CCDC191: variants seen among roughly 807,000 people sequenced by gnomAD.
CCDC191 encodes coiled-coil domain containing 191.
Under a neutral mutation model 114.0 loss-of-function variants are expected in CCDC191, and 99 were observed. That is an observed-to-expected ratio of 0.87 (90% CI 0.74 to 1.03). The LOEUF is 1.03. CCDC191 is among the 50% of genes least tolerant of loss of function. The pLI, the probability that CCDC191 is intolerant of heterozygous loss-of-function variation, is 0.00. For synonymous variants in CCDC191, 351 were observed against 376.0 expected, an observed-to-expected ratio of 0.93 and a Z score of 0.77; for missense variants, 973 against 1,087.0, an observed-to-expected ratio of 0.90 and a Z score of 1.47.
intron 13 of CCDC191, among the ~76,000 whole-genome samples, chr3:113,998,886 A>C (rs2075793084): frequency 1.3e-5 from 2 of 152,152 alleles, no homozygotes; most frequent in Admixed American, 1.3e-4. Flanking sequence ...CTTCTGACCA[A>C]AGAACTCACT....
intron 13 of CCDC191, among the ~76,000 whole-genome samples, chr3:113,987,830 TCA>T (rs972294337): frequency 7.2e-4 from 110 of 151,848 alleles, no homozygotes; most frequent in African/African-American, 2.5e-3. Context: ...GATCACGAGG[TCA>T]GGAATTTGAG....
At chr3:114,033,217 C>T (rs145362597) in intron 6 of CCDC191, among the ~76,000 whole-genome samples, 15 of 152,060 alleles carry the variant, frequency 9.9e-5, no homozygotes, top group African/African-American at 3.6e-4. Context: ...CCTGCCTCAG[C>T]CTCCCGAGTA....
chr3:114,004,532 C>G (rs1296909567), intron 11 of CCDC191, 105 bp downstream of exon 11: 17 of 1,498,466 alleles, frequency 1.1e-5, no homozygotes, highest in Non-Finnish European at 1.4e-5. Flanking sequence ...CAGGTTCTGC[C>G]AAGTCTCAAA....
intron 6 of CCDC191, among the ~76,000 whole-genome samples, chr3:114,034,094 A>C (rs750185226): frequency 6.6e-6 from 1 of 152,248 alleles, no homozygotes; most frequent in Non-Finnish European, 1.5e-5. Context: ...TAATAGTACT[A>C]CATCCTGTGA....
chr3:114,056,512 C>T lies in CCDC191; in HGVS notation c.-46G>A, dbSNP rs754719768. ...CCTCGGCCAAAGCTGCAGCAACCGCCCTTCTGCCCGGGCTGCCTCCGGGTC... is the reference window on the plus strand; with the variant it reads ...CCTCGGCCAAAGCTGCAGCAACCGCTCTTCTGCCCGGGCTGCCTCCGGGTC... On this transcript the variant is annotated 5_prime_UTR_variant, in exon 1 of 17. Coordinates refer to ENST00000295878, the MANE Select transcript of CCDC191 (RefSeq NM_020817.2). 5 of 1,613,384 alleles carry T rather than the reference C, an allele frequency of 3.1e-6. No homozygotes were observed. Among genetic ancestry groups the T allele is most frequent in the South Asian group, 2.2e-5 (2 of 90,992 alleles).
At chr3:114,002,561 TA>T in intron 11 of CCDC191, 23 bp from the exon 12 acceptor site, 1 of 1,552,520 alleles carries the variant, frequency 6.4e-7, no homozygotes, top group Non-Finnish European at 8.8e-7. Flanking sequence ...AACAGAGTTC[TA>T]ATATTTTTTA....
chr3:114,010,424 T>A (rs2076048958), intron 9 of CCDC191, among the ~76,000 whole-genome samples: 1 of 152,166 alleles, frequency 6.6e-6, no homozygotes, highest in Non-Finnish European at 1.5e-5. Flanking sequence ...TCCCCTCTTG[T>A]AAGTCACAAA....
intron 2 of CCDC191, among the ~76,000 whole-genome samples, chr3:114,052,864 G>C (rs1044633908): frequency 6.6e-6 from 1 of 152,156 alleles, no homozygotes; most frequent in Non-Finnish European, 1.5e-5. Flanking sequence ...TGTCAGAATG[G>C]TCTTTTCCCG....
chr3:114,010,853 T>A lies in CCDC191; in HGVS notation c.1332A>T (p.Lys444Asn). Residue 444 changes from lysine to asparagine, a missense_variant, in exon 9 of 17, where the codon AAA becomes AAT. By Grantham distance (94) the Lys-to-Asn change is moderately conservative. Coordinates refer to ENST00000295878, the MANE Select transcript of CCDC191 (RefSeq NM_020817.2). ...DALLQAASLG[K>N]LSANGLSGIS... ...TGCCTGATAACCCATTGGCACTGAG[T>A]TTCCCCAGTGATGCTGCCTGCAGCA... 3 of 1,613,980 alleles carry A rather than the reference T, an allele frequency of 1.9e-6. No homozygotes were observed. The highest frequency in any genetic ancestry group is 2.5e-6 in the Non-Finnish European group (3 of 1,179,870).
intron 16 of CCDC191, among the ~76,000 whole-genome samples, chr3:113,967,041 G>C (rs2107547285): frequency 6.6e-6 from 1 of 152,304 alleles, no homozygotes; most frequent in East Asian, 1.9e-4. Context: ...GGAGGTTGCA[G>C]TGAGCCGAGA....
chr3:113,987,619 A>G (rs2075405751), intron 13 of CCDC191, among the ~76,000 whole-genome samples: 1 of 152,204 alleles, frequency 6.6e-6, no homozygotes, highest in South Asian at 2.1e-4. Context: ...CGCTTGTCTC[A>G]AACTACTGGA....
chr3:114,052,769 T>C (rs2076713324), intron 2 of CCDC191, among the ~76,000 whole-genome samples: 1 of 152,182 alleles, frequency 6.6e-6, no homozygotes, highest in African/African-American at 2.4e-5. Flanking sequence ...AATTATTACA[T>C]CTGGCCTAGG....
intron 13 of CCDC191, among the ~76,000 whole-genome samples, chr3:113,995,977 TC>T (rs144958853): frequency 1 from 151,716 of 152,266 alleles, 75,583 homozygotes; most frequent in Middle Eastern, 1. Flanking sequence ...TGGGACTGTT[TC>T]TTTTTTTTTT....
intron 7 of CCDC191, among the ~76,000 whole-genome samples, chr3:114,024,965 A>C (rs969778068): frequency 1.3e-5 from 2 of 152,170 alleles, no homozygotes. Context: ...TGATTTTCAT[A>C]ATTTTACCCC....
intron 8 of CCDC191, among the ~76,000 whole-genome samples, chr3:114,017,038 G>T (rs573952544): frequency 2.0e-5 from 3 of 151,232 alleles, no homozygotes; most frequent in African/African-American, 7.3e-5. Flanking sequence ...ATTTCTCCCA[G>T]CATATCATAG....
Position 114,034,995 on chromosome 3 carries a change from G to T in CCDC191, c.748C>A (p.Gln250Lys). The T allele has an allele frequency of 6.2e-7, 1 of 1,613,908 alleles. No homozygotes were observed. The highest frequency in any genetic ancestry group is 8.5e-7 in the Non-Finnish European group (1 of 1,179,926). Residue 250 changes from glutamine to lysine, a missense_variant, in exon 6 of 17, where the codon CAA (glutamine) becomes AAA (lysine). Gln to Lys is a moderately conservative substitution (Grantham distance 53). Transcript: ENST00000295878. The stretch of plus-strand genomic sequence containing the variant: ...CTCCGCAGCTTCACCATCTCCCTTT[G>T]AATCTCCTCTTCCTCTTTCTTGGCC... ...LEAKKEEEEI[Q>K]REMVKLRREI... is the part of the protein sequence containing the mutation.
intron 16 of CCDC191, among the ~76,000 whole-genome samples, chr3:113,976,576 A>G (rs1397545482): frequency 6.6e-6 from 1 of 152,166 alleles, no homozygotes; most frequent in Non-Finnish European, 1.5e-5. Flanking sequence ...GCTGAGAAAC[A>G]GAAAGAAAAC....
At chr3:114,001,174 T>C (rs1002993517) in intron 13 of CCDC191, among the ~76,000 whole-genome samples, 7 of 152,206 alleles carry the variant, frequency 4.6e-5, no homozygotes, top group African/African-American at 1.2e-4. Flanking sequence ...TAAACACATA[T>C]CTGCTGGGTG....
chr3:113,973,568 TG>T (rs1165487588), intron 16 of CCDC191, among the ~76,000 whole-genome samples: 8 of 151,788 alleles, frequency 5.3e-5, no homozygotes, highest in Admixed American at 4.6e-4. Context: ...AAGATGGCTT[TG>T]CTGGATACAG....
Sources: allele counts gnomAD v4.1 joint callset (sites outside exome capture counted in the v4.1 genomes callset), GRCh38; gene constraint gnomAD v4.1.1; transcripts MANE v1.5; gene names NCBI Gene and HGNC (gene_info 2026-07-23, HGNC 2026-07-21).